The following CDC42BPB variants were observed in gnomAD, a reference collection of about 807,000 sequenced individuals.
The protein encoded by CDC42BPB is serine/threonine-protein kinase MRCK beta.
A neutral mutation model predicts 214.9 loss-of-function variants in CDC42BPB; 37 were observed. The ratio of observed to expected loss-of-function variants is 0.17; its 90% CI spans 0.13 to 0.23. The LOEUF is 0.23. Ranked by LOEUF, CDC42BPB falls within the 10% of genes least tolerant of loss-of-function variation. The pLI, the probability that CDC42BPB is intolerant of heterozygous loss-of-function variation, is 1.00. For synonymous variants in CDC42BPB, 931 were observed against 884.0 expected (o/e 1.05, Z -0.94); for missense variants, 1,694 against 2,227.0 (o/e 0.76, Z 4.82).
rs35064888 is a variant in CDC42BPB at position 102,933,666 on chromosome 14, T to C, written c.*46A>G. 9.9e-3 allele frequency: 13,826 copies of C among 1,396,782 alleles called. 79 individuals carry two copies. The highest frequency in any genetic ancestry group is 0.013 in the Admixed American group (335 of 26,038). 86.5% of individuals were successfully genotyped at this position (1,396,782 alleles called of 1,614,324 possible). A position where few individuals can be genotyped will look rare whatever the true frequency, so the allele number is the denominator to read the frequency against. ...GCCCGCTCAGTCTTGGCACTGACGCTGGAGGCCATCTCCAGCTCCCTGGCC... is the reference window on the plus strand; with the variant it reads ...GCCCGCTCAGTCTTGGCACTGACGCCGGAGGCCATCTCCAGCTCCCTGGCC... On this transcript the variant is annotated 3_prime_UTR_variant, in exon 37 of 37. Transcript: ENST00000361246.
At position 103,057,303 on chromosome 14, in the gene CDC42BPB, G is replaced by A; in HGVS notation, c.-130C>T. The A allele has an allele frequency of 1.9e-6, 2 of 1,065,898 alleles. No individual in the cohort carries two copies. Among genetic ancestry groups the A allele is most frequent in the Non-Finnish European group, 2.3e-6 (2 of 884,250 alleles). The allele number at this position is 1,065,898 out of a possible 1,614,324, so 66.0% of individuals were successfully genotyped here. On this transcript the variant is annotated 5_prime_UTR_variant, in exon 1 of 37. Coordinates refer to ENST00000361246, the MANE Select transcript of CDC42BPB (RefSeq NM_006035.4). The stretch of plus-strand genomic sequence containing the variant: ...GCGGCGCCTCCTCGCCGCCCCGTCC[G>A]CGTCGTCGCGCCCCGGCCTAGGCCG...
chr14:102,980,106 C>T (rs1893931518), intron 8 of CDC42BPB, among the ~76,000 whole-genome samples: 1 of 152,200 alleles, frequency 6.6e-6, no homozygotes, highest in Admixed American at 6.5e-5. Flanking sequence ...AGGCTAAGCC[C>T]ATGTCTTGGT....
rs1185383388 is a variant in CDC42BPB at position 102,980,790 on chromosome 14, C to T, written c.1123G>A (p.Asp375Asn). 8.1e-6 allele frequency: 13 copies of T among 1,613,990 alleles called. No individual in the cohort carries two copies. Among genetic ancestry groups the T allele is most frequent in the African/African-American group, 1.3e-5 (1 of 74,912 alleles). The change falls in exon 8 of 37, where the codon GAC becomes AAC. Residue 375 changes from aspartate (D) to asparagine (N), a missense_variant. Asp to Asn is a conservative substitution (Grantham distance 23, BLOSUM62 1). This residue lies in a region of CDC42BPB where 225 missense variants were observed against 459.3 expected (regional missense o/e 0.49). Transcript: ENST00000361246. ...ACACTCACCGTGTTTCTCAGCACGT[C>T]GTCATCCACGTCGAAGTTGGATGTG... ...SDTSNFDVDD[D>N]VLRNTEILPP...
At position 102,986,504 on chromosome 14, in the gene CDC42BPB, T is replaced by A; in HGVS notation, c.673A>T (p.Met225Leu). Residue 225 changes from methionine (M) to leucine (L), a missense_variant, in exon 6 of 37, where the codon ATG becomes TTG. Physicochemically the swap from Met to Leu is conservative, Grantham distance 15. Transcript: ENST00000361246. ...ATACCTACAGTGCCATCATCATTCA[T>A]CTTCAAACATGATCCAAAGTCAGCC... ...RLADFGSCLK[M>L]NDDGTVQSSV... The A allele has an allele frequency of 6.2e-7, 1 of 1,613,742 alleles. No homozygotes were observed. The highest frequency in any genetic ancestry group is 8.5e-7 in the Non-Finnish European group (1 of 1,179,706).
chr14:102,966,593 A>G, intron 17 of CDC42BPB: 3 of 837,372 alleles, frequency 3.6e-6, no homozygotes, highest in Non-Finnish European at 4.3e-6. Flanking sequence ...AAAAGACACC[A>G]AACTTCCAAG....
Position 103,057,262 on chromosome 14 carries a change from G to A in CDC42BPB, c.-89C>T, listed in dbSNP as rs907667189. On this transcript the variant is annotated 5_prime_UTR_variant, in exon 1 of 37. Transcript: ENST00000361246. Reference sequence around the variant, plus strand: ...GCGCGCCCTCGGGGGCTCGGCGGCTGCGAGCCCCGGCAGCAGCGGCGCCTC... The same window carrying A: ...GCGCGCCCTCGGGGGCTCGGCGGCTACGAGCCCCGGCAGCAGCGGCGCCTC... 18 of 1,164,714 alleles carry A rather than the reference G, an allele frequency of 1.5e-5. No homozygotes were observed. The African/African-American group carries it at 2.8e-4, about 18-fold the overall frequency. The allele number at this position is 1,164,714 out of a possible 1,614,324, so 72.1% of individuals were successfully genotyped here.
chr14:102,946,791 G>A, intron 27 of CDC42BPB, 107 bp from the exon 28 acceptor site: 1 of 1,487,128 alleles, frequency 6.7e-7, no homozygotes, highest in South Asian at 1.4e-5. Flanking sequence ...AACGGGGGCT[G>A]ATGTGCTTCC....
At chr14:102,986,924 A>G (rs1894271114) in intron 5 of CDC42BPB, among the ~76,000 whole-genome samples, 1 of 152,222 alleles carries the variant, frequency 6.6e-6, no homozygotes, top group African/African-American at 2.4e-5. Flanking sequence ...CCCTGCCTTC[A>G]TGAAGCCTGC....
chr14:102,936,155 T>C (rs897452384), intron 36 of CDC42BPB, among the ~76,000 whole-genome samples: 6 of 152,206 alleles, frequency 3.9e-5, no homozygotes, highest in Admixed American at 6.5e-5. Context: ...TGGTGGAATA[T>C]AGAATGGTAC....
At chr14:102,992,505 CAGTG>C (rs1398114393) in intron 5 of CDC42BPB, among the ~76,000 whole-genome samples, 3 of 152,184 alleles carry the variant, frequency 2.0e-5, no homozygotes, top group Non-Finnish European at 4.4e-5. Context: ...AGCTGAGGAG[CAGTG>C]ACTGCTGCCG....
rs760979271 is a variant in CDC42BPB, at chr14:102,959,650, G to T, written c.2882C>A (p.Ala961Glu). Residue 961 changes from alanine to glutamate, a missense_variant, in exon 21 of 37, where the codon GCA becomes GAA. This residue lies in a region of CDC42BPB where 156 missense variants were observed against 154.5 expected (regional missense o/e 1.01). Transcript: ENST00000361246. ...ACTTACTCTAAATGTCAGGTCATGT[G>T]CAAGAGGAGCAGTGTTGAAATACTC... ...IFEYFNTAPL[A>E]HDLTFRTSSA... 6.2e-7 allele frequency: 1 copy of T among 1,607,702 alleles called. No individual in the cohort carries two copies. Among genetic ancestry groups the T allele is most frequent in the Non-Finnish European group, 8.5e-7 (1 of 1,176,360 alleles).
chr14:102,962,394 GGA>G (rs1313698206), intron 20 of CDC42BPB, among the ~76,000 whole-genome samples: 3 of 152,234 alleles, frequency 2.0e-5, no homozygotes. Context: ...CAAATGCCAG[GGA>G]ATAAACCATC....
chr14:103,020,868 T>C (rs886442408), intron 1 of CDC42BPB, among the ~76,000 whole-genome samples: 12 of 152,218 alleles, frequency 7.9e-5, no homozygotes, highest in Non-Finnish European at 1.5e-4. Flanking sequence ...TGTGTTCAAA[T>C]TACACAAAAT....
Position 102,939,825 on chromosome 14 carries a change from C to A in CDC42BPB, c.4709+5G>T. 6.2e-7 allele frequency: 1 copy of A among 1,614,062 alleles called. No individual in the cohort carries two copies. The highest frequency in any genetic ancestry group is 2.2e-5 in the East Asian group (1 of 44,882). On this transcript the variant is annotated splice_donor_5th_base_variant and intron_variant, in intron 33 of 36. Transcript: ENST00000361246. ...CCAGCAGGCCCCGTGAGGCCCCGCTCCTACCGCCTCTGCTGCAGTCTCTCT... is the reference window on the plus strand; with the variant it reads ...CCAGCAGGCCCCGTGAGGCCCCGCTACTACCGCCTCTGCTGCAGTCTCTCT...
At chr14:102,947,249 G>A (rs1001573726) in intron 27 of CDC42BPB, among the ~76,000 whole-genome samples, 1 of 152,156 alleles carries the variant, frequency 6.6e-6, no homozygotes, top group African/African-American at 2.4e-5. Flanking sequence ...GGGGGCTGGA[G>A]GGTTTCTTTC....
At chr14:103,045,207 G>A (rs1386161886) in intron 1 of CDC42BPB, among the ~76,000 whole-genome samples, 2 of 152,082 alleles carry the variant, frequency 1.3e-5, no homozygotes, top group Non-Finnish European at 2.9e-5. Flanking sequence ...CTGTGGCAAG[G>A]GAGTTCTAGT....
chr14:102,995,179 C>CTTT (rs952254612), intron 5 of CDC42BPB, among the ~76,000 whole-genome samples: 20 of 145,732 alleles, frequency 1.4e-4, no homozygotes, highest in African/African-American at 4.6e-4. Context: ...CTCTCTCTCT[C>CTTT]TTTTTTTTTT....
intron 4 of CDC42BPB, 65 bp from the exon 5 acceptor site, chr14:102,999,778 A>C: frequency 6.3e-7 from 1 of 1,588,534 alleles, no homozygotes; most frequent in Non-Finnish European, 8.6e-7. Context: ...TGACAGTTAC[A>C]GGCCAGTCTT....
intron 5 of CDC42BPB, among the ~76,000 whole-genome samples, chr14:102,995,637 C>T (rs1453881214): frequency 2.0e-5 from 3 of 152,224 alleles, no homozygotes; most frequent in Non-Finnish European, 2.9e-5. Context: ...GGTCCAGCTG[C>T]GGAAACCAGG....
Sources: gnomAD v4.1 joint callset for allele counts (sites outside exome capture counted in the v4.1 genomes callset) on GRCh38, gnomAD v4.1.1 for gene constraint, gnomAD v4.1.1 regional missense constraint, MANE v1.5 for transcripts, NCBI Gene and HGNC (gene_info 2026-07-23, HGNC 2026-07-21) for gene names.